The following GSAP variants were observed in gnomAD, a reference collection of about 807,000 sequenced individuals.
GSAP encodes the protein gamma-secretase activating protein.
A neutral mutation model predicts 131.7 loss-of-function variants in GSAP; 118 were observed. The observed-to-expected ratio is 0.90, with a 90% CI of 0.77 to 1.04. The LOEUF is 1.04. GSAP is among the 50% of genes least tolerant of loss of function. The probability of loss-of-function intolerance (pLI) is 0.00; values close to 1 mark genes in which losing one functional copy is unlikely to be tolerated. For synonymous variants in GSAP, 381 were observed against 363.4 expected, an observed-to-expected ratio of 1.05 and a Z score of -0.55; for missense variants, 1,019 against 1,013.2, an observed-to-expected ratio of 1.01 and a Z score of -0.08.
intron 12 of GSAP, among the ~76,000 whole-genome samples, chr7:77,366,190 T>C (rs1472377167): frequency 6.6e-6 from 1 of 152,132 alleles, no homozygotes; most frequent in African/African-American, 2.4e-5. Context: ...GTAGGTCGTT[T>C]GGTTTACTCT....
intron 5 of GSAP, among the ~76,000 whole-genome samples, chr7:77,392,384 T>C (rs1799712203): frequency 6.6e-6 from 1 of 151,650 alleles, no homozygotes; most frequent in Admixed American, 6.6e-5. Flanking sequence ...CCCTCTCTGC[T>C]AATAACACAA....
intron 7 of GSAP, among the ~76,000 whole-genome samples, chr7:77,381,583 C>G (rs1797816895): frequency 6.6e-6 from 1 of 152,128 alleles, no homozygotes; most frequent in Non-Finnish European, 1.5e-5. Flanking sequence ...TGCATTTATT[C>G]TGCTCCTCAA....
At chr7:77,416,386 G>GCCGCCTCGCCCTCGCGTCC (rs1804480515), upstream of GSAP, 1 of 842,176 alleles carries the variant, frequency 1.2e-6, no homozygotes, top group African/African-American at 1.8e-5. Flanking sequence ...GCCCCGCGTG[G>GCCGCCTCGCCCTCGCGTCC]CCGCCTCGCC....
intron 10 of GSAP, 71 bp from the exon 11 acceptor site, chr7:77,375,172 GC>G (rs943304740): frequency 3.6e-5 from 30 of 841,002 alleles, no homozygotes; most frequent in Admixed American, 1.4e-4. Context: ...ACCAGAGCAA[GC>G]CCAAGTAAAC....
At chr7:77,377,037 C>G (rs1000691752) in intron 9 of GSAP, 130 bp from the exon 10 acceptor site, 3 of 674,386 alleles carry the variant, frequency 4.4e-6, no homozygotes, top group Admixed American at 6.3e-5. Flanking sequence ...ATAATAATGT[C>G]AAAATCAAAT....
chr7:77,324,244 C>G (rs991872252), intron 23 of GSAP, among the ~76,000 whole-genome samples: 2 of 152,202 alleles, frequency 1.3e-5, no homozygotes, highest in African/African-American at 4.8e-5. Flanking sequence ...CTCAACACAG[C>G]CCCTTGACAT....
At chr7:77,375,739 G>A (rs571832931) in intron 10 of GSAP, among the ~76,000 whole-genome samples, 1 of 151,924 alleles carries the variant, frequency 6.6e-6, no homozygotes, top group East Asian at 1.9e-4. Flanking sequence ...AGCTACTAGG[G>A]AGGCTGAGGC....
chr7:77,328,402 C>G, intron 22 of GSAP: 1 of 1,289,202 alleles, frequency 7.8e-7, no homozygotes, highest in African/African-American at 1.5e-5. Flanking sequence ...AAAGCACATT[C>G]AGCAGCTGTC....
chr7:77,334,926 T>C (rs938438505), intron 19 of GSAP, among the ~76,000 whole-genome samples: 1 of 150,534 alleles, frequency 6.6e-6, no homozygotes, highest in Admixed American at 6.6e-5. Flanking sequence ...CTACTAAAAA[T>C]ACAAAAATTA....
intron 26 of GSAP, 57 bp downstream of exon 26, chr7:77,320,668 C>T: frequency 2.1e-6 from 2 of 965,606 alleles, no homozygotes; most frequent in Non-Finnish European, 3.3e-6. Context: ...AAGGCAAGGG[C>T]CCATATGAAG....
chr7:77,366,819 T>C (rs1207711005), intron 12 of GSAP, among the ~76,000 whole-genome samples: 1 of 152,210 alleles, frequency 6.6e-6, no homozygotes, highest in Non-Finnish European at 1.5e-5. Context: ...CTTTGGGCAG[T>C]ATGGTCATTT....
Position 77,381,356 on chromosome 7 carries a change from T to A in GSAP, c.527-2A>T, listed in dbSNP as rs778398950. On this transcript the variant is annotated splice_acceptor_variant, in intron 7 of 30. Transcript: ENST00000257626. LOFTEE classifies it high-confidence loss of function. ...CATGGATACGAAATTGTTCAATATC[T>A]TTAAAAGAAAAACAAAGAAAGATAA... 2.7e-6 allele frequency: 4 copies of A among 1,482,230 alleles called. No homozygotes were observed. The highest frequency in any genetic ancestry group is 3.7e-6 in the Non-Finnish European group (4 of 1,080,074). 91.8% of individuals were successfully genotyped at this position (1,482,230 alleles called of 1,614,324 possible).
In GSAP at chr7:77,311,953, C is replaced by A. The variant is rs1478511034; in HGVS notation, c.2374-13G>T. ...TAGAATTCCGAGGCTAAAAGGGAAA[C>A]CACTTCTGGTGTAAGCTGATTCTCC... On this transcript the variant is annotated splice_polypyrimidine_tract_variant and intron_variant, in intron 29 of 30. Transcript: ENST00000257626. 9.5e-6 allele frequency: 14 copies of A among 1,478,832 alleles called. No homozygotes were observed. The highest frequency in any genetic ancestry group is 1.2e-5 in the Non-Finnish European group (13 of 1,056,832). The allele number at this position is 1,478,832 out of a possible 1,614,324, so 91.6% of individuals were successfully genotyped here.
intron 19 of GSAP, among the ~76,000 whole-genome samples, chr7:77,346,823 T>C (rs1791951179): frequency 6.6e-6 from 1 of 152,090 alleles, no homozygotes; most frequent in Non-Finnish European, 1.5e-5. Flanking sequence ...CAGCCTGATG[T>C]TATAATATCG....
At chr7:77,371,896 T>C (rs770824517) in intron 12 of GSAP, among the ~76,000 whole-genome samples, 1 of 152,318 alleles carries the variant, frequency 6.6e-6, no homozygotes, top group African/African-American at 2.4e-5. Flanking sequence ...CAAAGTACCA[T>C]CCTATAAATT....
chr7:77,379,902 T>C (rs942230852), intron 8 of GSAP: 2 of 978,794 alleles, frequency 2.0e-6, no homozygotes, highest in African/African-American at 1.8e-5. Flanking sequence ...CAATAGCTGA[T>C]ACACAATTGA....
chr7:77,339,306 T>C (rs907709106), intron 19 of GSAP, among the ~76,000 whole-genome samples: 1 of 152,018 alleles, frequency 6.6e-6, no homozygotes, highest in Non-Finnish European at 1.5e-5. Flanking sequence ...AAATGAGAAA[T>C]AGCAGGATCA....
intron 5 of GSAP, among the ~76,000 whole-genome samples, chr7:77,388,648 G>A: frequency 6.6e-6 from 1 of 152,204 alleles, no homozygotes; most frequent in Non-Finnish European, 1.5e-5. Context: ...GTCTCTCAGT[G>A]ACTTCACTGT....
chr7:77,312,078 G>C (rs1406321988), intron 29 of GSAP, 23 bp downstream of exon 29: 2 of 1,468,874 alleles, frequency 1.4e-6, no homozygotes, highest in Admixed American at 3.7e-5. Flanking sequence ...CATTTAGTTG[G>C]CTGTGCTTTC....
Sources: gnomAD v4.1 joint callset for allele counts (sites outside exome capture counted in the v4.1 genomes callset) on GRCh38, gnomAD v4.1.1 for gene constraint, MANE v1.5 for transcripts, NCBI Gene and HGNC (gene_info 2026-07-23, HGNC 2026-07-21) for gene names.